The following LIPC variants were observed in gnomAD, a reference collection of about 807,000 sequenced individuals.
LIPC encodes lipase C, hepatic type.
Under a neutral mutation model 50.7 loss-of-function variants are expected in LIPC, and 44 were observed. That is an observed-to-expected ratio of 0.87 (90% CI 0.68 to 1.11). The LOEUF is 1.11. LIPC is among the 50% of genes most tolerant of loss of function. LIPC has a pLI of 0.00. For synonymous variants in LIPC, 271 were observed against 256.4 expected (o/e 1.06, Z -0.54); for missense variants, 697 against 648.2 (o/e 1.08, Z -0.82).
At chr15:58,510,151 A>T (rs1449443329) in intron 1 of LIPC, among the ~76,000 whole-genome samples, 1 of 152,234 alleles carries the variant, frequency 6.6e-6, no homozygotes, top group Non-Finnish European at 1.5e-5. Flanking sequence ...AGGGTGGAAG[A>T]CACAATAGAC....
At chr15:58,467,038 G>C (rs1157280273) in intron 1 of LIPC, among the ~76,000 whole-genome samples, 5 of 152,070 alleles carry the variant, frequency 3.3e-5, no homozygotes, top group African/African-American at 1.2e-4. Context: ...ATATATAATA[G>C]TTATAACTTT....
intron 1 of LIPC, among the ~76,000 whole-genome samples, chr15:58,532,500 A>C (rs1403777875): frequency 6.6e-6 from 1 of 152,204 alleles, no homozygotes; most frequent in African/African-American, 2.4e-5. Context: ...TCAGCAGTGG[A>C]TGTTTACAAA....
At chr15:58,536,209 G>C (rs560865344) in intron 1 of LIPC, among the ~76,000 whole-genome samples, 2 of 152,160 alleles carry the variant, frequency 1.3e-5, no homozygotes. Flanking sequence ...TTAATGAATG[G>C]AGCAGCAGAG....
intron 1 of LIPC, among the ~76,000 whole-genome samples, chr15:58,528,998 T>A (rs1354699089): frequency 6.6e-6 from 1 of 152,190 alleles, no homozygotes; most frequent in African/African-American, 2.4e-5. Flanking sequence ...TGCATATTCC[T>A]AGATCCCTTG....
chr15:58,522,756 G>C (rs1892693925), intron 1 of LIPC: 1 of 152,520 alleles, frequency 6.6e-6, no homozygotes, highest in Non-Finnish European at 1.5e-5. Flanking sequence ...CATCTTTATT[G>C]ATGTCGGGGC....
intron 1 of LIPC, among the ~76,000 whole-genome samples, chr15:58,485,086 T>C (rs1891323601): frequency 6.6e-6 from 1 of 152,206 alleles, no homozygotes; most frequent in Admixed American, 6.5e-5. Flanking sequence ...TCCGCAAGAA[T>C]GATAGGAACC....
At chr15:58,460,947 C>A (rs1256678291) in intron 1 of LIPC, among the ~76,000 whole-genome samples, 2 of 152,154 alleles carry the variant, frequency 1.3e-5, no homozygotes, top group African/African-American at 4.8e-5. Context: ...GACCAAGGGA[C>A]TGACCCGAAC....
intron 6 of LIPC, 59 bp from the exon 7 acceptor site, chr15:58,560,805 T>C: frequency 1.3e-6 from 1 of 764,290 alleles, no homozygotes; most frequent in Non-Finnish European, 2.3e-6. Context: ...AAGAGATTTT[T>C]AAATTTAAAA....
At chr15:58,559,381 T>C (rs1395809910) in intron 6 of LIPC, among the ~76,000 whole-genome samples, 3 of 152,190 alleles carry the variant, frequency 2.0e-5, no homozygotes, top group Admixed American at 1.3e-4. Context: ...ACTGTTAGGA[T>C]TCGTGGATTA....
chr15:58,451,746 G>A (rs1893906721), intron 1 of LIPC, among the ~76,000 whole-genome samples: 1 of 152,196 alleles, frequency 6.6e-6, no homozygotes, highest in Non-Finnish European at 1.5e-5. Context: ...CTGGCTGTGA[G>A]GCACGAGGAT....
chr15:58,548,638 G>T (rs1240477218), intron 6 of LIPC, 66 bp downstream of exon 6: 13 of 1,544,568 alleles, frequency 8.4e-6, no homozygotes, highest in Non-Finnish European at 9.6e-6. Context: ...GGGCTCAGAA[G>T]TCCCCTTGGC....
chr15:58,432,014 C>G lies in LIPC; in HGVS notation c.-19C>G. ...TCAGAAATTACCAAGAAAGCCTGGA[C>G]CCCGGGTGAAACGGAGAAATGGACA... On this transcript the variant is annotated 5_prime_UTR_variant, in exon 1 of 9. Coordinates refer to ENST00000299022, the MANE Select transcript of LIPC (RefSeq NM_000236.3). 1.3e-6 allele frequency: 2 copies of G among 1,589,960 alleles called. No individual in the cohort carries two copies. The highest frequency in any genetic ancestry group is 2.2e-5 in the East Asian group (1 of 44,750).
chr15:58,553,095 C>G (rs575196343), intron 6 of LIPC, among the ~76,000 whole-genome samples: 1 of 152,152 alleles, frequency 6.6e-6, no homozygotes, highest in Non-Finnish European at 1.5e-5. Flanking sequence ...AAATCGAGCC[C>G]CAGAAAGGCT....
At chr15:58,547,383 C>A (rs969746402) in intron 5 of LIPC, among the ~76,000 whole-genome samples, 2 of 152,154 alleles carry the variant, frequency 1.3e-5, no homozygotes, top group African/African-American at 4.8e-5. Context: ...AGTGAAGATG[C>A]AGGCAGTGGA....
At chr15:58,459,509 C>T (rs1395709356) in intron 1 of LIPC, among the ~76,000 whole-genome samples, 2 of 151,784 alleles carry the variant, frequency 1.3e-5, no homozygotes, top group East Asian at 3.9e-4. Context: ...TTCAGGAAAC[C>T]AGCAGTTTCT....
At chr15:58,556,491 G>A (rs1421046226) in intron 6 of LIPC, among the ~76,000 whole-genome samples, 1 of 152,142 alleles carries the variant, frequency 6.6e-6, no homozygotes, top group Non-Finnish European at 1.5e-5. Context: ...GAAACTTGCA[G>A]AAGAACATAA....
chr15:58,439,955 C>T (rs574368100), intron 1 of LIPC, among the ~76,000 whole-genome samples: 28 of 152,094 alleles, frequency 1.8e-4, no homozygotes, highest in Admixed American at 3.9e-4. Context: ...AGAAACAACA[C>T]GAGGCTACAG....
At chr15:58,491,293 T>G (rs150472572) in intron 1 of LIPC, among the ~76,000 whole-genome samples, 1 of 152,152 alleles carries the variant, frequency 6.6e-6, no homozygotes, top group Non-Finnish European at 1.5e-5. Flanking sequence ...GGTCAGAGCA[T>G]GGGAATTTCA....
At chr15:58,536,862 G>A (rs1595930043) in intron 1 of LIPC, among the ~76,000 whole-genome samples, 1 of 152,200 alleles carries the variant, frequency 6.6e-6, no homozygotes. Flanking sequence ...TACCCTTTGG[G>A]TAGGAAAATT....
Sources: gnomAD v4.1 joint callset for allele counts (sites outside exome capture counted in the v4.1 genomes callset) on GRCh38, gnomAD v4.1.1 for gene constraint, MANE v1.5 for transcripts, NCBI Gene and HGNC (gene_info 2026-07-23, HGNC 2026-07-21) for gene names.